The following ATP2B3 variants were observed in gnomAD, a reference collection of about 807,000 sequenced individuals.
ATP2B3 encodes the protein plasma membrane calcium-transporting ATPase 3.
A neutral mutation model predicts 70.8 loss-of-function variants in ATP2B3; 12 were observed. That is an observed-to-expected ratio of 0.17 (90% CI 0.11 to 0.27). ATP2B3 has a LOEUF of 0.27. ATP2B3 is among the 10% of genes least tolerant of loss of function. The probability of loss-of-function intolerance (pLI) is 1.00; values close to 1 mark genes in which losing one functional copy is unlikely to be tolerated. For synonymous variants in ATP2B3, 460 were observed against 497.8 expected, an observed-to-expected ratio of 0.92 and a Z score of 1.01; for missense variants, 858 against 1,118.5, an observed-to-expected ratio of 0.77 and a Z score of 3.32.
At chrX:153,561,495 A>G (rs782210273) in intron 19 of ATP2B3, among the ~76,000 whole-genome samples, 2 of 112,428 alleles carry the variant, frequency 1.8e-5, no homozygotes, top group Non-Finnish European at 3.8e-5. Flanking sequence ...AGGGGCCCAC[A>G]TGGGAGAGCG....
At chrX:153,577,318 C>G (rs958333219) in intron 21 of ATP2B3, among the ~76,000 whole-genome samples, 4 of 112,529 alleles carry the variant, frequency 3.6e-5, no homozygotes, top group Non-Finnish European at 5.6e-5. Flanking sequence ...GAGCCAGGTG[C>G]AGTGAGACCT....
intron 16 of ATP2B3, among the ~76,000 whole-genome samples, chrX:153,557,431 A>G (rs988930974): frequency 2.7e-5 from 3 of 112,078 alleles, no homozygotes; most frequent in Non-Finnish European, 5.7e-5. Flanking sequence ...AGCCCTGCAG[A>G]CGCCACCCAC....
chrX:153,520,817 C>T (rs2089948844), intron 2 of ATP2B3, among the ~76,000 whole-genome samples: 2 of 112,226 alleles, frequency 1.8e-5, no homozygotes, highest in Admixed American at 9.4e-5. Context: ...GAGTGTGGTT[C>T]GTGTGAACTC....
Position 153,558,360 on chromosome X carries a change from C to T in ATP2B3, c.2625+57C>T, listed in dbSNP as rs782414565. 3.8e-6 allele frequency: 4 copies of T among 1,051,152 alleles called. No homozygotes were observed. In the Admixed American group the frequency reaches 9.1e-5, roughly 24 times the overall value. The allele number at this position is 1,051,152 out of a possible 1,213,427, so 86.6% of individuals were successfully genotyped here. A position where few individuals can be genotyped will look rare whatever the true frequency, so the allele number is the denominator to read the frequency against. ...GGACACCTGGGCTCAGGCCTGAGGG[C>T]CAGATTGTGAGAGTGAGGGTTTTGT... On this transcript the variant is annotated intron_variant, in intron 17 of 21. Transcript: ENST00000263519.
At chrX:153,571,691 G>A (rs1557020009) in intron 21 of ATP2B3, among the ~76,000 whole-genome samples, 1 of 112,485 alleles carries the variant, frequency 8.9e-6, no homozygotes, top group African/African-American at 3.2e-5. Flanking sequence ...TGGCAGTGCG[G>A]GGTAAGTAGA....
chrX:153,563,463 G>A lies in ATP2B3; in HGVS notation c.3159+1221G>A, dbSNP rs562723792. ...GCCTGGCTTTTGTTTCTTGATCTCT[G>A]TGCCGGCCACAGGGGCTGCTGCAGC... On this transcript the variant is annotated intron_variant, in intron 20 of 21. Coordinates refer to ENST00000263519, the MANE Select transcript of ATP2B3 (RefSeq NM_001001344.3). Among the ~76,000 whole-genome samples, 8 of 111,973 alleles carry A rather than the reference G, an allele frequency of 7.1e-5. No homozygotes were observed. In the South Asian group the frequency reaches 2.2e-3, roughly 31 times the overall value.
At position 153,564,916 on chromosome X, in the gene ATP2B3, C is replaced by T. The variant is rs1054879194; in HGVS notation, c.3160-5C>T. 1 of 1,180,246 alleles carries T rather than the reference C, an allele frequency of 8.5e-7. No individual in the cohort carries two copies. On this transcript the variant is annotated splice_polypyrimidine_tract_variant and splice_region_variant and intron_variant, in intron 20 of 21. Coordinates refer to ENST00000263519, the MANE Select transcript of ATP2B3 (RefSeq NM_001001344.3). ...CTCACGGCCACTTCCGTGTGGCTCCCCCAGGTCATTGCCACCATCCCCACC... is the reference window on the plus strand; with the variant it reads ...CTCACGGCCACTTCCGTGTGGCTCCTCCAGGTCATTGCCACCATCCCCACC...
chrX:153,548,965 G>A, intron 10 of ATP2B3, 111 bp downstream of exon 10: 2 of 761,916 alleles, frequency 2.6e-6, no homozygotes. Flanking sequence ...ATAGCTCAAG[G>A]GAGGAGAGGA....
chrX:153,536,068 C>T, intron 2 of ATP2B3, 54 bp from the exon 3 acceptor site: 1 of 485,539 alleles, frequency 2.1e-6, no homozygotes, highest in South Asian at 3.0e-5. Context: ...GAAGATGGGA[C>T]CTCAGTTTTG....
chrX:153,533,891 G>A (rs2090152133), intron 2 of ATP2B3, among the ~76,000 whole-genome samples: 2 of 111,553 alleles, frequency 1.8e-5, no homozygotes, highest in South Asian at 3.8e-4. Flanking sequence ...CTGGCCTTGG[G>A]TATGCCATGG....
At chrX:153,552,142 TG>T (rs1416922246) in intron 12 of ATP2B3, among the ~76,000 whole-genome samples, 1 of 112,327 alleles carries the variant, frequency 8.9e-6, no homozygotes, top group East Asian at 2.8e-4. Flanking sequence ...GCTTCTTTTT[TG>T]GTGGGCACTG....
intron 2 of ATP2B3, among the ~76,000 whole-genome samples, chrX:153,524,630 C>T (rs782263992): frequency 8.9e-6 from 1 of 111,752 alleles, no homozygotes; most frequent in Non-Finnish European, 1.9e-5. Context: ...AGTAGCAAAT[C>T]GGTTGTTCCC....
intron 21 of ATP2B3, among the ~76,000 whole-genome samples, chrX:153,568,135 A>G (rs1311318355): frequency 2.7e-5 from 3 of 112,206 alleles, no homozygotes; most frequent in African/African-American, 9.7e-5. Context: ...CCATGGTTCC[A>G]TACTAACATA....
At chrX:153,531,720 G>A (rs2090120632) in intron 2 of ATP2B3, among the ~76,000 whole-genome samples, 2 of 112,950 alleles carry the variant, frequency 1.8e-5, no homozygotes, top group Admixed American at 1.9e-4. Flanking sequence ...CCAGTGACTA[G>A]GGAGTGACTC....
intron 2 of ATP2B3, among the ~76,000 whole-genome samples, chrX:153,535,230 C>T (rs2090173643): frequency 8.9e-6 from 1 of 112,776 alleles, no homozygotes; most frequent in Admixed American, 9.3e-5. Flanking sequence ...CTTTGCGATG[C>T]TCGGCAGAGT....
At chrX:153,539,118 G>A (rs1316115558) in intron 3 of ATP2B3, among the ~76,000 whole-genome samples, 1 of 112,323 alleles carries the variant, frequency 8.9e-6, no homozygotes, top group Non-Finnish European at 1.9e-5. Context: ...CACTTGGGGG[G>A]TCTTGTACTC....
At chrX:153,529,591 A>G (rs1557001101) in intron 2 of ATP2B3, among the ~76,000 whole-genome samples, 1 of 111,766 alleles carries the variant, frequency 8.9e-6, no homozygotes, top group Non-Finnish European at 1.9e-5. Context: ...TACCACGTTC[A>G]CCATTTTTAA....
At chrX:153,528,477 G>C (rs2090067088) in intron 2 of ATP2B3, among the ~76,000 whole-genome samples, 1 of 111,769 alleles carries the variant, frequency 8.9e-6, no homozygotes, top group African/African-American at 3.3e-5. Context: ...AGGGGAAAGT[G>C]GGGGTTTGGT....
At chrX:153,557,146 G>T (rs1199447506) in intron 16 of ATP2B3, 123 bp downstream of exon 16, 29 of 733,416 alleles carry the variant, frequency 4.0e-5, no homozygotes, top group East Asian at 3.2e-4. Context: ...GTGCCTGAAG[G>T]TTCTTTCTTT....
Sources: allele counts gnomAD v4.1 joint callset (sites outside exome capture counted in the v4.1 genomes callset), GRCh38; gene constraint gnomAD v4.1.1; transcripts MANE v1.5; gene names NCBI Gene and HGNC (gene_info 2026-07-23, HGNC 2026-07-21).